Variants in UNK observed in about 807,000 individuals in gnomAD.
UNK encodes unk zinc finger.
UNK carries 32 observed loss-of-function variants against 97.6 expected under a neutral mutation model. The observed-to-expected ratio is 0.33, with a 90% CI of 0.25 to 0.44. UNK has a LOEUF of 0.44. Among genes scored for constraint, UNK ranks in the 20% least tolerant of loss-of-function variants. The pLI is 1.00. For synonymous variants in UNK, 441 were observed against 461.2 expected (o/e 0.96, Z 0.56); for missense variants, 771 against 1,098.4 (o/e 0.70, Z 4.21).
intron 1 of UNK, among the ~76,000 whole-genome samples, chr17:75,786,265 A>C (rs2061709804): frequency 6.6e-6 from 1 of 152,182 alleles, no homozygotes; most frequent in African/African-American, 2.4e-5. Context: ...TAGCTCAAAG[A>C]CTACTGATGA....
rs79808105 is a variant in UNK at position 75,824,179 on chromosome 17, G to C, written c.2278-83G>C. The C allele has an allele frequency of 1.4e-3, 1,994 of 1,428,182 alleles. 29 individuals carry two copies. The African/African-American group carries it at 0.027, about 20-fold the overall frequency. 88.5% of individuals were successfully genotyped at this position (1,428,182 alleles called of 1,614,324 possible). On this transcript the variant is annotated intron_variant, in intron 15 of 15. Transcript: ENST00000589666. The surrounding 1 kb of genome is among the most constrained non-coding windows in gnomAD (Gnocchi z 4.9). ...TACCTCAGTTTTCCCATCCCAAGGG[G>C]CTGCAGTGAGGATCAAGGGAACTCC... is the stretch of plus-strand genomic sequence containing the variant.
chr17:75,817,584 T>G lies in UNK; in HGVS notation c.1305+58T>G. The stretch of plus-strand genomic sequence containing the variant: ...CCTTCTCCTGCGTGGGGCAAGAGAA[T>G]CTTGGAGGAGTGTCTTGGTCCAGCT... On this transcript the variant is annotated intron_variant, in intron 9 of 15. Coordinates refer to ENST00000589666, the MANE Select transcript of UNK (RefSeq NM_001080419.3). This position sits in a 1 kb window ranked among gnomAD's most constrained non-coding sequence, Gnocchi z 5.8. 1 of 1,497,778 alleles carries G rather than the reference T, an allele frequency of 6.7e-7. No individual in the cohort carries two copies. The highest frequency in any genetic ancestry group is 2.4e-5 in the East Asian group (1 of 41,528). 92.8% of individuals were successfully genotyped at this position (1,497,778 alleles called of 1,614,324 possible). A position where few individuals can be genotyped will look rare whatever the true frequency, so the allele number is the denominator to read the frequency against.
At chr17:75,810,992 G>A (rs1395482469) in intron 2 of UNK, among the ~76,000 whole-genome samples, 1 of 151,236 alleles carries the variant, frequency 6.6e-6, no homozygotes, top group Non-Finnish European at 1.5e-5. Flanking sequence ...GGCTGGAATG[G>A]GCACCTGCTT....
At chr17:75,785,288 A>G (rs1282946851) in intron 1 of UNK, 2 of 333,892 alleles carry the variant, frequency 6.0e-6, no homozygotes, top group Non-Finnish European at 1.1e-5. Context: ...CTCAGACCAT[A>G]AAACCACAGT....
intron 1 of UNK, among the ~76,000 whole-genome samples, chr17:75,789,457 C>T (rs1325874585): frequency 6.6e-6 from 1 of 152,132 alleles, no homozygotes; most frequent in South Asian, 2.1e-4. Flanking sequence ...CTGCCTCAGC[C>T]TCCCCAGTAG....
intron 1 of UNK, chr17:75,791,831 C>G (rs1346104678): frequency 9.1e-6 from 9 of 985,304 alleles, no homozygotes; most frequent in Non-Finnish European, 1.1e-5. Flanking sequence ...TTCTATCATC[C>G]TACAAAGACT....
chr17:75,786,691 A>G (rs979413121), intron 1 of UNK, among the ~76,000 whole-genome samples: 5 of 152,136 alleles, frequency 3.3e-5, no homozygotes, highest in African/African-American at 1.2e-4. Context: ...CCCCGTCTCT[A>G]CTAAAAATAC....
Position 75,824,175 on chromosome 17 carries a change from A to C in UNK, c.2278-87A>C. 1.4e-6 allele frequency: 2 copies of C among 1,412,534 alleles called. No individual in the cohort carries two copies. Among genetic ancestry groups the C allele is most frequent in the Admixed American group, 2.6e-5 (1 of 37,892 alleles). 87.5% of individuals were successfully genotyped at this position (1,412,534 alleles called of 1,614,324 possible). Reference sequence around the variant, plus strand: ...TCGGTACCTCAGTTTTCCCATCCCAAGGGGCTGCAGTGAGGATCAAGGGAA... The same window carrying C: ...TCGGTACCTCAGTTTTCCCATCCCACGGGGCTGCAGTGAGGATCAAGGGAA... On this transcript the variant is annotated intron_variant, in intron 15 of 15. Transcript: ENST00000589666. This position sits in a 1 kb window ranked among gnomAD's most constrained non-coding sequence, Gnocchi z 4.9.
At chr17:75,785,441 T>A (rs1010832372) in intron 1 of UNK, 1 of 154,910 alleles carries the variant, frequency 6.5e-6, no homozygotes, top group African/African-American at 2.4e-5. Flanking sequence ...GGAAGCCTTT[T>A]GTGTCCCTAA....
intron 1 of UNK, among the ~76,000 whole-genome samples, chr17:75,788,241 G>A (rs1243167252): frequency 6.0e-5 from 9 of 151,016 alleles, no homozygotes; most frequent in Admixed American, 1.3e-4. Context: ...GTGCAGTGGC[G>A]TGATCTCAGT....
chr17:75,796,172 C>A (rs1317015923), intron 1 of UNK, among the ~76,000 whole-genome samples: 1 of 152,120 alleles, frequency 6.6e-6, no homozygotes, highest in Non-Finnish European at 1.5e-5. Flanking sequence ...ACAAATTCAC[C>A]AGACACTTAT....
intron 1 of UNK, among the ~76,000 whole-genome samples, chr17:75,800,309 G>A (rs961018086): frequency 5.3e-5 from 8 of 151,890 alleles, no homozygotes; most frequent in African/African-American, 1.5e-4. Flanking sequence ...GAGCTCAAGC[G>A]ATCCACCCGC....
Position 75,816,952 on chromosome 17 carries a change from G to C in UNK, c.1104+40G>C. 1 of 1,575,182 alleles carries C rather than the reference G, an allele frequency of 6.3e-7. No homozygotes were observed. The highest frequency in any genetic ancestry group is 1.3e-5 in the African/African-American group (1 of 74,532). On this transcript the variant is annotated intron_variant, in intron 8 of 15. Transcript: ENST00000589666. The surrounding 1 kb of genome is among the most constrained non-coding windows in gnomAD (Gnocchi z 4.0). ...TGGGGAGTGGGTGGGCACCATGCCT[G>C]ACAGAGCCAATACTTGCCTCCTAGG...
At chr17:75,820,129 C>T (rs1371337965) in intron 13 of UNK, 21 bp downstream of exon 13, 2 of 1,591,218 alleles carry the variant, frequency 1.3e-6, no homozygotes, top group Admixed American at 1.7e-5. Flanking sequence ...GAGTGGTTCA[C>T]TCAGGAGAAC....
At chr17:75,807,433 CAG>C (rs1357274059) in intron 1 of UNK, among the ~76,000 whole-genome samples, 1 of 152,162 alleles carries the variant, frequency 6.6e-6, no homozygotes, top group Non-Finnish European at 1.5e-5. Context: ...ACGTTGGAAA[CAG>C]ATAATTTATG....
At chr17:75,809,703 A>T in intron 1 of UNK, 57 bp from the exon 2 acceptor site, 1 of 1,537,014 alleles carries the variant, frequency 6.5e-7, no homozygotes, top group Non-Finnish European at 8.8e-7. Context: ...TCTTGCTGGG[A>T]AGCAAGAGAC....
At chr17:75,803,219 T>C (rs934707926) in intron 1 of UNK, among the ~76,000 whole-genome samples, 2 of 136,776 alleles carry the variant, frequency 1.5e-5, no homozygotes, top group African/African-American at 2.9e-5. Flanking sequence ...CCCAACACGG[T>C]GAAACCCCGT....
Position 75,824,231 on chromosome 17 carries a change from G to A in UNK, c.2278-31G>A, listed in dbSNP as rs1302020695. The A allele has an allele frequency of 6.4e-7, 1 of 1,561,480 alleles. No individual in the cohort carries two copies. The highest frequency in any genetic ancestry group is 1.8e-5 in the Admixed American group (1 of 56,054). On this transcript the variant is annotated intron_variant, in intron 15 of 15. Transcript: ENST00000589666. This position sits in a 1 kb window ranked among gnomAD's most constrained non-coding sequence, Gnocchi z 4.9. ...CGCTCAACTTGGGGCCAGACCCATG[G>A]ATGGTGACCACGATGCCCCTTTCCC...
At chr17:75,787,368 C>T (rs1330292842) in intron 1 of UNK, among the ~76,000 whole-genome samples, 1 of 151,836 alleles carries the variant, frequency 6.6e-6, no homozygotes, top group Non-Finnish European at 1.5e-5. Context: ...CACCTGGATA[C>T]ATTTTTTTGG....
Sources: gnomAD v4.1 joint callset for allele counts (sites outside exome capture counted in the v4.1 genomes callset) on GRCh38, gnomAD v4.1.1 for gene constraint, Gnocchi (gnomAD v3.1) non-coding constraint, MANE v1.5 for transcripts, NCBI Gene and HGNC (gene_info 2026-07-23, HGNC 2026-07-21) for gene names.